The following PCDHGA4 variants were observed in gnomAD, a reference collection of about 807,000 sequenced individuals.
PCDHGA4 encodes protocadherin gamma-A4.
PCDHGA4 carries 38 observed loss-of-function variants against 54.6 expected under a neutral mutation model. The observed-to-expected ratio is 0.70, with a 90% CI of 0.54 to 0.91. The LOEUF (loss-of-function observed/expected upper bound fraction) is 0.91. Among genes scored for constraint, PCDHGA4 ranks in the 40% least tolerant of loss-of-function variants. PCDHGA4 has a pLI of 0.00. For synonymous variants in PCDHGA4, 511 were observed against 512.9 expected (o/e 1.00, Z 0.05); for missense variants, 1,298 against 1,220.9 (o/e 1.06, Z -0.94).
chr5:141,406,761 A>T (rs1327829124), intron 1 of PCDHGA4, among the ~76,000 whole-genome samples: 1 of 152,234 alleles, frequency 6.6e-6, no homozygotes. Flanking sequence ...ACAAGGAATT[A>T]AAAATATTTC....
At chr5:141,379,918 T>C (rs1175326393) in intron 1 of PCDHGA4, among the ~76,000 whole-genome samples, 1 of 119,530 alleles carries the variant, frequency 8.4e-6, no homozygotes, top group Non-Finnish European at 1.7e-5. Context: ...TTTTTTTTTT[T>C]TGTCAGAGTC....
chr5:141,385,620 T>G (rs2090301137), intron 1 of PCDHGA4: 1 of 1,063,712 alleles, frequency 9.4e-7, no homozygotes, highest in Middle Eastern at 3.9e-4. Flanking sequence ...TTTTATACAT[T>G]GGAATGAATC....
intron 1 of PCDHGA4, chr5:141,365,726 C>T (rs1266306756): frequency 6.2e-7 from 1 of 1,613,804 alleles, no homozygotes; most frequent in East Asian, 2.2e-5. Flanking sequence ...AGAAAACAAT[C>T]CCAGAGGTGT....
rs2099399818 is a variant in PCDHGA4, at chr5:141,476,845, C to G, written c.2515-17962C>G. 6.2e-7 allele frequency: 1 copy of G among 1,613,794 alleles called. No individual in the cohort carries two copies. Among genetic ancestry groups the G allele is most frequent in the African/African-American group, 1.3e-5 (1 of 75,078 alleles). ...TGGACGCGAATGACAATGCGCCTGTCTTCAACCAGTCCTTGTACCGGGCGC... is the reference window on the plus strand; with the variant it reads ...TGGACGCGAATGACAATGCGCCTGTGTTCAACCAGTCCTTGTACCGGGCGC... On this transcript the variant is annotated intron_variant, in intron 1 of 3. Transcript: ENST00000571252. This position sits in a 1 kb window ranked among gnomAD's most constrained non-coding sequence, Gnocchi z 7.6.
At chr5:141,429,610 T>C (rs2097228693) in intron 1 of PCDHGA4, among the ~76,000 whole-genome samples, 2 of 152,230 alleles carry the variant, frequency 1.3e-5, no homozygotes, top group African/African-American at 4.8e-5. Flanking sequence ...AACTCAATTT[T>C]ATGTCTGATA....
chr5:141,430,715 A>G (rs1210053402), intron 1 of PCDHGA4: 3 of 1,483,264 alleles, frequency 2.0e-6, no homozygotes, highest in East Asian at 4.7e-5. Context: ...TCCTGACTTC[A>G]GTGGTTAAGG....
chr5:141,365,252 G>A, intron 1 of PCDHGA4: 1 of 1,613,916 alleles, frequency 6.2e-7, no homozygotes, highest in East Asian at 2.2e-5. Context: ...ACAATCACTG[G>A]ACTATGAAGA....
chr5:141,389,780 C>T (rs746524585), intron 1 of PCDHGA4: 1 of 1,613,310 alleles, frequency 6.2e-7, no homozygotes, highest in South Asian at 1.1e-5. Flanking sequence ...CCTTAGGCGA[C>T]AGGGACGCCG....
Position 141,485,087 on chromosome 5 carries a change from T to G in PCDHGA4, c.2515-9720T>G. The G allele has an allele frequency of 2.0e-6, 2 of 1,000,176 alleles. No homozygotes were observed. The highest frequency in any genetic ancestry group is 1.5e-6 in the Non-Finnish European group (1 of 651,808). 62.0% of individuals were successfully genotyped at this position (1,000,176 alleles called of 1,614,324 possible). A position where few individuals can be genotyped will look rare whatever the true frequency, so the allele number is the denominator to read the frequency against. The stretch of plus-strand genomic sequence containing the variant: ...CAGAGCTGGCGCGGGGAAAGGGAGA[T>G]AGGTGTCTCCAGCTGCTGTGGCTGT... On this transcript the variant is annotated intron_variant, in intron 1 of 3. Transcript: ENST00000571252. This position sits in a 1 kb window ranked among gnomAD's most constrained non-coding sequence, Gnocchi z 5.7.
At position 141,403,603 on chromosome 5, in the gene PCDHGA4, C is replaced by T. The variant is rs2094431906; in HGVS notation, c.2514+45982C>T. On this transcript the variant is annotated intron_variant, in intron 1 of 3. Coordinates refer to ENST00000571252, the MANE Select transcript of PCDHGA4 (RefSeq NM_018917.4). ...ACCTGGTCCTCACGGCCTCGGATGG[C>T]GGCGAGCCGCGTCGCTCCAGCACAG... 4 of 1,613,762 alleles carry T rather than the reference C, an allele frequency of 2.5e-6. No individual in the cohort carries two copies. The East Asian group carries it at 8.9e-5, about 36-fold the overall frequency.
At chr5:141,409,050 G>C (rs371257178) in intron 1 of PCDHGA4, 1 of 1,613,988 alleles carries the variant, frequency 6.2e-7, no homozygotes. Context: ...TACTTCCGAA[G>C]CACTGCCCAG....
chr5:141,410,252 C>A, intron 1 of PCDHGA4: 2 of 1,613,998 alleles, frequency 1.2e-6, no homozygotes. Context: ...ACTCTCTGAC[C>A]CCCAGGCTGA....
intron 1 of PCDHGA4, among the ~76,000 whole-genome samples, chr5:141,446,430 T>A (rs1468987045): frequency 6.6e-6 from 1 of 152,058 alleles, no homozygotes; most frequent in Non-Finnish European, 1.5e-5. Flanking sequence ...ATTTGAAGGA[T>A]CTGAGAAACA....
At chr5:141,376,643 A>G (rs1465583488) in intron 1 of PCDHGA4, 17 of 1,013,920 alleles carry the variant, frequency 1.7e-5, no homozygotes, top group Non-Finnish European at 2.4e-5. Context: ...GATTTTGTAA[A>G]GTGGAAGACT....
Position 141,489,352 on chromosome 5 carries a change from G to A in PCDHGA4, c.2515-5455G>A, listed in dbSNP as rs1336068787. 1.9e-6 allele frequency: 3 copies of A among 1,612,152 alleles called. No homozygotes were observed. In the Admixed American group the frequency reaches 5.0e-5, roughly 27 times the overall value. On this transcript the variant is annotated intron_variant, in intron 1 of 3. Transcript: ENST00000571252. The surrounding 1 kb of genome is among the most constrained non-coding windows in gnomAD (Gnocchi z 4.5). ...GCAGCTTCGTTACTCAGTGGTGGAG[G>A]AGTCTGAGCCGGGGACGCTGGTGGG...
rs998564450 is a variant in PCDHGA4 at position 141,401,627 on chromosome 5, G to T, written c.2514+44006G>T. The stretch of plus-strand genomic sequence containing the variant: ...AAAAAGACACCGGATTTGTCTTATC[G>T]TTTGGAGCTTTAAATATAAATGACT... On this transcript the variant is annotated intron_variant, in intron 1 of 3. Coordinates refer to ENST00000571252, the MANE Select transcript of PCDHGA4 (RefSeq NM_018917.4). Among the ~76,000 whole-genome samples the T allele has an allele frequency of 2.6e-5, 4 of 152,294 alleles. No homozygotes were observed. In the South Asian group the frequency reaches 8.3e-4, roughly 32 times the overall value.
At chr5:141,404,524 G>C (rs368795324) in intron 1 of PCDHGA4, 3 of 1,613,938 alleles carry the variant, frequency 1.9e-6, no homozygotes, top group Non-Finnish European at 2.5e-6. Context: ...ACTATGAGCA[G>C]TTTAGAGATT....
At chr5:141,433,691 G>A (rs2097644575) in intron 1 of PCDHGA4, among the ~76,000 whole-genome samples, 1 of 152,044 alleles carries the variant, frequency 6.6e-6, no homozygotes, top group Non-Finnish European at 1.5e-5. Flanking sequence ...TACAAAATTA[G>A]CCGGGCGTGG....
At chr5:141,361,675 G>C (rs1247091931) in intron 1 of PCDHGA4, 2 of 1,613,636 alleles carry the variant, frequency 1.2e-6, no homozygotes, top group Middle Eastern at 1.6e-4. Flanking sequence ...GAGCGGGGTG[G>C]TGTTCGCGCA....
Sources: gnomAD v4.1 joint callset for allele counts (sites outside exome capture counted in the v4.1 genomes callset) on GRCh38, gnomAD v4.1.1 for gene constraint, Gnocchi (gnomAD v3.1) non-coding constraint, MANE v1.5 for transcripts, NCBI Gene and HGNC (gene_info 2026-07-23, HGNC 2026-07-21) for gene names.